Variants in CPNE9 observed in about 807,000 individuals in gnomAD.
CPNE9 encodes copine family member 9.
In CPNE9, 59 loss-of-function variants were observed where a neutral mutation model predicts 83.0. That is an observed-to-expected ratio of 0.71 (90% CI 0.58 to 0.88). CPNE9 has a LOEUF of 0.88. CPNE9 is among the 40% of genes least tolerant of loss of function. The pLI, the probability that CPNE9 is intolerant of heterozygous loss-of-function variation, is 0.00. For missense variants in CPNE9, 619 were observed against 720.8 expected (o/e 0.86, Z 1.62); for synonymous variants, 256 against 273.4 (o/e 0.94, Z 0.63).
intron 17 of CPNE9, among the ~76,000 whole-genome samples, chr3:9,718,832 C>T (rs2076709027): frequency 1.4e-5 from 2 of 140,220 alleles, no homozygotes; most frequent in African/African-American, 2.8e-5. Context: ...GAGACCCCAT[C>T]TCTTTTTTTT....
At chr3:9,722,831 A>C (rs772907616) in intron 17 of CPNE9, among the ~76,000 whole-genome samples, 1 of 152,024 alleles carries the variant, frequency 6.6e-6, no homozygotes, top group Non-Finnish European at 1.5e-5. Flanking sequence ...CTGTAGTTCT[A>C]CATGTAACTC....
intron 19 of CPNE9, 70 bp from the exon 20 acceptor site, chr3:9,727,043 T>A: frequency 1.3e-6 from 2 of 1,543,120 alleles, no homozygotes; most frequent in Admixed American, 3.3e-5. Flanking sequence ...AAAGGGGAGC[T>A]CAAAGGGAGG....
chr3:9,719,670 T>C (rs1021738033), intron 17 of CPNE9, among the ~76,000 whole-genome samples: 4 of 152,114 alleles, frequency 2.6e-5, no homozygotes, highest in Non-Finnish European at 5.9e-5. Flanking sequence ...AAAAACTAGA[T>C]GAGTGACTGT....
intron 13 of CPNE9, 152 bp downstream of exon 13, chr3:9,715,678 T>G: frequency 1.4e-6 from 1 of 709,254 alleles, no homozygotes; most frequent in African/African-American, 1.8e-5. Flanking sequence ...CTTAAGTTTT[T>G]CTTTGTTTTT....
chr3:9,710,143 T>C (rs371872074), intron 7 of CPNE9, among the ~76,000 whole-genome samples: 1 of 151,866 alleles, frequency 6.6e-6, no homozygotes, highest in East Asian at 1.9e-4. Flanking sequence ...TGAGACTCCA[T>C]CTCTACAAAA....
At position 9,729,809 on chromosome 3, in the gene CPNE9, G is replaced by A; in HGVS notation, c.*117G>A. ...CTGGGAGGGCCAACTTGGAGGATCA[G>A]TGCTGGCTGACAAGCCCTCCGCCTC... On this transcript the variant is annotated 3_prime_UTR_variant, in exon 21 of 21. Transcript: ENST00000383832. The A allele has an allele frequency of 7.1e-7, 1 of 1,414,180 alleles. No individual in the cohort carries two copies. The highest frequency in any genetic ancestry group is 9.3e-7 in the Non-Finnish European group (1 of 1,074,740). 87.6% of individuals were successfully genotyped at this position (1,414,180 alleles called of 1,614,324 possible).
intron 17 of CPNE9, among the ~76,000 whole-genome samples, chr3:9,723,491 C>A (rs868573844): frequency 6.6e-6 from 1 of 151,802 alleles, no homozygotes; most frequent in Non-Finnish European, 1.5e-5. Context: ...AAGAAAAAAA[C>A]CAGGATCATG....
intron 7 of CPNE9, 132 bp downstream of exon 7, chr3:9,706,195 C>T (rs577516216): frequency 1.7e-5 from 13 of 752,424 alleles, no homozygotes; most frequent in African/African-American, 1.2e-4. Flanking sequence ...CTCCCATCAC[C>T]CTCGTAGAAA....
intron 7 of CPNE9, 67 bp from the exon 8 acceptor site, chr3:9,712,472 CCA>C (rs2076639302): frequency 5.4e-6 from 7 of 1,303,356 alleles, no homozygotes; most frequent in African/African-American, 1.5e-5. Context: ...CCACCTAACC[CCA>C]GACTGGCCAC....
At position 9,726,672 on chromosome 3, in the gene CPNE9, C is replaced by G; in HGVS notation, c.1352C>G (p.Ser451Ter). 6.2e-7 allele frequency: 1 copy of G among 1,613,908 alleles called. No homozygotes were observed. Residue 451 changes from serine (S) to a stop codon, truncating the protein, a stop_gained, in exon 19 of 21, where the codon TCA becomes TGA. Transcript: ENST00000383832. LOFTEE classifies it high-confidence loss of function. ...QTKEAIVSAS[S>*]LPMSIIIVGV... ...ACCCTCTTTCCCCTACAGGCCTCCT[C>G]ATTGCCCATGTCTATCATTATCGTC...
chr3:9,725,908 G>A (rs756916522), intron 17 of CPNE9, 41 bp from the exon 18 acceptor site: 3 of 1,496,710 alleles, frequency 2.0e-6, no homozygotes, highest in South Asian at 1.1e-5. Context: ...CCCTTGGCCT[G>A]TCTGGCTTTC....
At chr3:9,725,682 A>ATATATGTATATATATGTGTATATATG (rs2076776262) in intron 17 of CPNE9, among the ~76,000 whole-genome samples, 1 of 123,024 alleles carries the variant, frequency 8.1e-6, no homozygotes, top group African/African-American at 3.1e-5. Context: ...ATGTGTATAT[A>ATATATGTATATATATGTGTATATATG]TATATACATA....
chr3:9,726,417 C>T (rs2076785201), intron 18 of CPNE9, among the ~76,000 whole-genome samples: 1 of 152,034 alleles, frequency 6.6e-6, no homozygotes, highest in Admixed American at 6.6e-5. Flanking sequence ...TCCAGGGAGA[C>T]CTTTTTTTAA....
In CPNE9 at chr3:9,704,050, T is replaced by G. The variant is rs750398731; in HGVS notation, c.54T>G (p.Ile18Met). The change falls in exon 1 of 21, where the codon ATT (isoleucine) becomes ATG (methionine). Residue 18 changes from isoleucine (I) to methionine (M), a missense_variant. By Grantham distance (10) the Ile-to-Met change is conservative. Transcript: ENST00000383832. The surrounding 1 kb of genome is among the most constrained non-coding windows in gnomAD (Gnocchi z 7.1). ...GCGTCCCGGCCACCAAGATTGAAAT[T>G]ACCGTGTCCTGCCGGTGAGCGGGCC... is the stretch of plus-strand genomic sequence containing the variant. ...ERSVPATKIE[I>M]TVSCRNLLDL... 1 of 1,608,596 alleles carries G rather than the reference T, an allele frequency of 6.2e-7. No individual in the cohort carries two copies. Among genetic ancestry groups the G allele is most frequent in the South Asian group, 1.1e-5 (1 of 90,186 alleles).
At chr3:9,720,838 C>T (rs960019963) in intron 17 of CPNE9, among the ~76,000 whole-genome samples, 8 of 152,084 alleles carry the variant, frequency 5.3e-5, no homozygotes, top group Admixed American at 3.9e-4. Context: ...GTGTGGTGTC[C>T]GGAGCCAGAC....
At position 9,709,364 on chromosome 3, in the gene CPNE9, A is replaced by AT. The variant is rs1199207151; in HGVS notation, c.378-3160dup. 7.4e-3 allele frequency among the ~76,000 whole-genome samples: 1,017 copies of AT among 137,074 alleles called. 8 individuals are homozygous for AT. The highest frequency in any genetic ancestry group is 0.015 in the African/African-American group (566 of 37,652). The allele number at this position is 137,074 out of a possible 152,430, so 89.9% of individuals were successfully genotyped here. On this transcript the variant is annotated intron_variant, in intron 7 of 20. Coordinates refer to ENST00000383832, the MANE Select transcript of CPNE9 (RefSeq NM_153635.3). ...AAGAGAGGTCAAGAATAAGTTTATA[A>AT]TTTTTTTTTTTTTTTTTGAGACAGA...
intron 19 of CPNE9, among the ~76,000 whole-genome samples, 160 bp downstream of exon 19, chr3:9,726,882 G>C (rs2076789463): frequency 6.6e-6 from 1 of 152,188 alleles, no homozygotes; most frequent in South Asian, 2.1e-4. Flanking sequence ...TTCCTTATCA[G>C]AACCAAGGCT....
In CPNE9 at chr3:9,704,548, C is replaced by T; in HGVS notation, c.69-39C>T. 6.3e-7 allele frequency: 1 copy of T among 1,586,554 alleles called. No individual in the cohort carries two copies. The highest frequency in any genetic ancestry group is 8.7e-7 in the Non-Finnish European group (1 of 1,154,860). On this transcript the variant is annotated intron_variant, in intron 1 of 20. Transcript: ENST00000383832. This position sits in a 1 kb window ranked among gnomAD's most constrained non-coding sequence, Gnocchi z 7.1. Reference sequence around the variant, plus strand: ...GAGCCGACTCGAGGCGGGCGGACTCCAGGATGATCCACTCTGTCTGTCTGT... The same window carrying T: ...GAGCCGACTCGAGGCGGGCGGACTCTAGGATGATCCACTCTGTCTGTCTGT...
intron 17 of CPNE9, among the ~76,000 whole-genome samples, chr3:9,721,639 G>C (rs181611769): frequency 8.8e-4 from 134 of 152,300 alleles, no homozygotes; most frequent in African/African-American, 3.1e-3. Flanking sequence ...AACAGAAGCA[G>C]AGTAGGCCTG....
Sources: allele counts gnomAD v4.1 joint callset (sites outside exome capture counted in the v4.1 genomes callset), GRCh38; gene constraint gnomAD v4.1.1; non-coding constraint Gnocchi (gnomAD v3.1); transcripts MANE v1.5; gene names NCBI Gene and HGNC (gene_info 2026-07-23, HGNC 2026-07-21).